The following ADGRB3 variants were observed in gnomAD, a reference collection of about 807,000 sequenced individuals.
The protein encoded by ADGRB3 is adhesion G protein-coupled receptor B3, also known as brain-specific angiogenesis inhibitor 3.
ADGRB3 carries 37 observed loss-of-function variants against 193.4 expected under a neutral mutation model. The ratio of observed to expected loss-of-function variants is 0.19; its 90% CI spans 0.15 to 0.25. The LOEUF is 0.25. Ranked by LOEUF, ADGRB3 falls within the 10% of genes least tolerant of loss-of-function variation. ADGRB3 has a pLI of 1.00. For missense variants in ADGRB3, 1,637 were observed against 1,852.9 expected (o/e 0.88, Z 2.14); for synonymous variants, 690 against 644.2 (o/e 1.07, Z -1.08).
At chr6:68,776,337 G>T (rs1766746421) in intron 3 of ADGRB3, among the ~76,000 whole-genome samples, 1 of 152,072 alleles carries the variant, frequency 6.6e-6, no homozygotes, top group Admixed American at 6.6e-5. Flanking sequence ...ACTGTGGTGG[G>T]GTTACATATG....
chr6:69,328,005 T>G (rs1214094420), intron 22 of ADGRB3, 116 bp downstream of exon 22: 4 of 815,162 alleles, frequency 4.9e-6, no homozygotes, highest in African/African-American at 3.5e-5. Context: ...ATGGTAGAAA[T>G]TGCATTAGTA....
chr6:68,749,276 C>T (rs556366637), intron 3 of ADGRB3, among the ~76,000 whole-genome samples: 2 of 152,116 alleles, frequency 1.3e-5, no homozygotes, highest in South Asian at 4.1e-4. Flanking sequence ...CATAGTCAGG[C>T]TGTAAATTTT....
At chr6:68,815,449 T>G (rs2127377791) in intron 3 of ADGRB3, among the ~76,000 whole-genome samples, 1 of 152,244 alleles carries the variant, frequency 6.6e-6, no homozygotes, top group South Asian at 2.1e-4. Context: ...TTTGGTAAAT[T>G]TATTGAGTTA....
At chr6:68,737,461 GT>G (rs1265872434) in intron 3 of ADGRB3, among the ~76,000 whole-genome samples, 2 of 152,060 alleles carry the variant, frequency 1.3e-5, no homozygotes, top group Non-Finnish European at 2.9e-5. Context: ...AATAATAAGT[GT>G]TTTGATTCCT....
intron 25 of ADGRB3, 128 bp from the exon 26 acceptor site, chr6:69,339,205 A>G: frequency 1.6e-6 from 2 of 1,241,736 alleles, no homozygotes; most frequent in East Asian, 2.3e-5. Flanking sequence ...CTCAAATGTC[A>G]TCTGCTTTGT....
At chr6:69,233,451 AAGAC>A (rs768218983) in intron 18 of ADGRB3, 35 bp downstream of exon 18, 1 of 1,612,982 alleles carries the variant, frequency 6.2e-7, no homozygotes, top group Non-Finnish European at 8.5e-7. Flanking sequence ...CTTTAACGCA[AAGAC>A]AGGGATATTG....
intron 29 of ADGRB3, among the ~76,000 whole-genome samples, chr6:69,370,846 A>G (rs1283526009): frequency 1.3e-5 from 2 of 152,170 alleles, no homozygotes. Flanking sequence ...CAAGAAAGGT[A>G]TCCAAGAGCA....
At chr6:68,999,973 AT>A (rs967303256) in intron 11 of ADGRB3, among the ~76,000 whole-genome samples, 2 of 151,848 alleles carry the variant, frequency 1.3e-5, no homozygotes, top group Non-Finnish European at 2.9e-5. Flanking sequence ...AGAAAAAAAA[AT>A]ACTTGTTCAT....
At chr6:69,254,519 T>A (rs1211451582) in intron 20 of ADGRB3, among the ~76,000 whole-genome samples, 2 of 152,102 alleles carry the variant, frequency 1.3e-5, no homozygotes, top group African/African-American at 4.8e-5. Context: ...CATGAGTATG[T>A]AGCATAACTA....
intron 17 of ADGRB3, among the ~76,000 whole-genome samples, chr6:69,099,342 C>CTGATT (rs2150320571): frequency 6.6e-6 from 1 of 152,298 alleles, no homozygotes; most frequent in South Asian, 2.1e-4. Flanking sequence ...AGCTTCTGTT[C>CTGATT]TGATTGAGCC....
At chr6:68,981,866 T>G (rs986942036) in intron 10 of ADGRB3, among the ~76,000 whole-genome samples, 1 of 138,492 alleles carries the variant, frequency 7.2e-6, no homozygotes, top group Non-Finnish European at 1.6e-5. Context: ...ATTTATTTAT[T>G]TATTTATTTA....
chr6:69,308,320 T>A (rs1768107275), intron 20 of ADGRB3, among the ~76,000 whole-genome samples: 1 of 151,490 alleles, frequency 6.6e-6, no homozygotes, highest in Admixed American at 6.6e-5. Flanking sequence ...AGGTACTAGG[T>A]ATTAAATACT....
chr6:68,921,525 G>A (rs979561743), intron 3 of ADGRB3, among the ~76,000 whole-genome samples: 4 of 152,032 alleles, frequency 2.6e-5, no homozygotes, highest in African/African-American at 9.7e-5. Context: ...ACTTCGGTGG[G>A]GGGTGTGGAA....
chr6:69,162,457 C>T (rs958079120), intron 17 of ADGRB3, among the ~76,000 whole-genome samples: 5 of 152,170 alleles, frequency 3.3e-5, no homozygotes, highest in African/African-American at 9.6e-5. Flanking sequence ...CAGAGAGAAG[C>T]GCAGCCTGGA....
In ADGRB3 at chr6:69,149,886, C is replaced by T. The variant is rs149660082; in HGVS notation, c.2480+73848C>T. On this transcript the variant is annotated intron_variant, in intron 17 of 31. Transcript: ENST00000370598. Reference sequence around the variant, plus strand: ...TCTCTTCCCCTTACTTTCACCCAAACAGAGTCTCTCTCTTTATCTCTCTCT... The same window carrying T: ...TCTCTTCCCCTTACTTTCACCCAAATAGAGTCTCTCTCTTTATCTCTCTCT... Among the ~76,000 whole-genome samples the T allele has an allele frequency of 1.4e-4, 21 of 151,810 alleles. No homozygotes were observed. The East Asian group carries it at 4.1e-3, about 30-fold the overall frequency.
Position 69,355,866 on chromosome 6 carries a change from A to C in ADGRB3, c.3595+6A>C. 6.3e-7 allele frequency: 1 copy of C among 1,599,784 alleles called. No individual in the cohort carries two copies. Among genetic ancestry groups the C allele is most frequent in the Non-Finnish European group, 8.6e-7 (1 of 1,168,324 alleles). On this transcript the variant is annotated splice_donor_region_variant and intron_variant, in intron 28 of 31. Transcript: ENST00000370598. ...AGACATTGCCTGTCGATCAGGTAAG[A>C]ATATTTAGATTTTGAAATCTAATCA... is the stretch of plus-strand genomic sequence containing the variant.
At chr6:68,904,834 C>T (rs535820381) in intron 3 of ADGRB3, among the ~76,000 whole-genome samples, 3 of 152,238 alleles carry the variant, frequency 2.0e-5, no homozygotes, top group East Asian at 1.9e-4. Flanking sequence ...CTGAAACTAG[C>T]TCACAAAGGC....
At chr6:68,963,618 G>A (rs537159159) in intron 8 of ADGRB3, among the ~76,000 whole-genome samples, 1 of 152,146 alleles carries the variant, frequency 6.6e-6, no homozygotes, top group Non-Finnish European at 1.5e-5. Context: ...CTGAATACAG[G>A]GGTGCATATT....
At chr6:68,951,855 G>T (rs899519498) in intron 6 of ADGRB3, among the ~76,000 whole-genome samples, 25 of 152,112 alleles carry the variant, frequency 1.6e-4, no homozygotes, top group African/African-American at 5.6e-4. Context: ...CTACCTCGCT[G>T]CTGAGCCCGG....
Sources: allele counts gnomAD v4.1 joint callset (sites outside exome capture counted in the v4.1 genomes callset), GRCh38; gene constraint gnomAD v4.1.1; transcripts MANE v1.5; gene names NCBI Gene and HGNC (gene_info 2026-07-23, HGNC 2026-07-21).